RALGPS1: variants seen among roughly 807,000 people sequenced by gnomAD.
RALGPS1 encodes the protein Ral GEF with PH domain and SH3 binding motif 1.
RALGPS1 carries 19 observed loss-of-function variants against 78.8 expected under a neutral mutation model. That is an observed-to-expected ratio of 0.24 (90% CI 0.17 to 0.35). The LOEUF (loss-of-function observed/expected upper bound fraction) is 0.35, where lower values mean the gene tolerates loss of function less well. RALGPS1 is among the 10% of genes least tolerant of loss of function. RALGPS1 has a pLI of 1.00. For synonymous variants in RALGPS1, 228 were observed against 256.3 expected, an observed-to-expected ratio of 0.89 and a Z score of 1.06; for missense variants, 454 against 688.3, an observed-to-expected ratio of 0.66 and a Z score of 3.81.
rs1020821614 is a variant in RALGPS1, at chr9:127,211,962, A to G, written c.1248-169A>G. On this transcript the variant is annotated intron_variant, in intron 14 of 18. Coordinates refer to ENST00000259351, the MANE Select transcript of RALGPS1 (RefSeq NM_014636.3). The surrounding 1 kb of genome is among the most constrained non-coding windows in gnomAD (Gnocchi z 5.0). ...GGGAGTCCTTGGCGGTGGGCCCTTC[A>G]TGTGCGTTATCACCTGGCCCTCCCC... 3.9e-5 allele frequency among the ~76,000 whole-genome samples: 6 copies of G among 152,160 alleles called. No individual in the cohort carries two copies. The highest frequency in any genetic ancestry group is 7.4e-5 in the Non-Finnish European group (5 of 68,018).
At chr9:127,121,097 C>G (rs958346476) in intron 8 of RALGPS1, among the ~76,000 whole-genome samples, 1 of 152,166 alleles carries the variant, frequency 6.6e-6, no homozygotes, top group African/African-American at 2.4e-5. Flanking sequence ...TACTTTACCT[C>G]AGTTTCCTCA....
At chr9:126,939,220 C>G (rs961702861) in intron 1 of RALGPS1, among the ~76,000 whole-genome samples, 4 of 152,230 alleles carry the variant, frequency 2.6e-5, no homozygotes, top group African/African-American at 9.6e-5. Context: ...TTGTACTATC[C>G]TTCAGCCTTT....
At chr9:126,950,264 T>C (rs1053732783) in intron 1 of RALGPS1, among the ~76,000 whole-genome samples, 7 of 152,228 alleles carry the variant, frequency 4.6e-5, no homozygotes, top group African/African-American at 1.7e-4. Context: ...TCCAGCTTTG[T>C]TCTTTTGGCT....
intron 4 of RALGPS1, among the ~76,000 whole-genome samples, chr9:127,033,224 C>T (rs532469982): frequency 6.6e-6 from 1 of 152,254 alleles, no homozygotes; most frequent in East Asian, 1.9e-4. Flanking sequence ...GGTGTCTCGG[C>T]CTCTGGCTGG....
chr9:126,927,578 A>G (rs1273184570), intron 1 of RALGPS1, among the ~76,000 whole-genome samples: 3 of 152,138 alleles, frequency 2.0e-5, no homozygotes, highest in African/African-American at 7.2e-5. Flanking sequence ...GTTATGCTTC[A>G]GTTACCTTTG....
chr9:127,215,427 C>T (rs952659496), intron 18 of RALGPS1, among the ~76,000 whole-genome samples: 5 of 152,218 alleles, frequency 3.3e-5, no homozygotes, highest in African/African-American at 4.8e-5. Context: ...GGGTGTTATG[C>T]GAAATGTTTC....
intron 4 of RALGPS1, among the ~76,000 whole-genome samples, chr9:126,983,479 A>G (rs1224618366): frequency 1.3e-5 from 2 of 152,206 alleles, no homozygotes; most frequent in East Asian, 3.8e-4. Flanking sequence ...GCTCTTTAAA[A>G]AGTTATTTTC....
Position 127,048,331 on chromosome 9 carries a change from A to G in RALGPS1, c.301-1712A>G, listed in dbSNP as rs111234460. On this transcript the variant is annotated intron_variant, in intron 5 of 18. Transcript: ENST00000259351. ...TTGTTTAAAGTCTACCCATCTTTCA[A>G]GGCCTATCTTCTTCGAGAAGCCTTC... 7.2e-5 allele frequency among the ~76,000 whole-genome samples: 11 copies of G among 152,300 alleles called. No homozygotes were observed. In the East Asian group the frequency reaches 1.3e-3, roughly 19 times the overall value.
At chr9:127,022,140 T>C (rs2045513589) in intron 4 of RALGPS1, among the ~76,000 whole-genome samples, 1 of 152,196 alleles carries the variant, frequency 6.6e-6, no homozygotes, top group South Asian at 2.1e-4. Flanking sequence ...CTGATTTCAC[T>C]GGAGGCACCA....
intron 1 of RALGPS1, among the ~76,000 whole-genome samples, chr9:126,955,855 G>A (rs149036020): frequency 8.6e-4 from 131 of 152,250 alleles, no homozygotes; most frequent in Middle Eastern, 6.8e-3. Flanking sequence ...CAGATTTCCC[G>A]TGGATTGGCA....
intron 4 of RALGPS1, among the ~76,000 whole-genome samples, chr9:127,016,384 A>G (rs368435337): frequency 3.3e-5 from 5 of 152,300 alleles, no homozygotes; most frequent in East Asian, 1.9e-4. Flanking sequence ...GAGGATCTCA[A>G]AGACCATCTG....
In RALGPS1 at chr9:126,955,738, G is replaced by A. The variant is rs145373420; in HGVS notation, c.-65-6487G>A. On this transcript the variant is annotated intron_variant, in intron 1 of 18. Transcript: ENST00000259351. ...CCAGAAGGGTCTAGGACAGAAAATC[G>A]TTAGCAACTGTTGGTTAGGACAGTG... 4.1e-4 allele frequency among the ~76,000 whole-genome samples: 62 copies of A among 152,320 alleles called. No individual in the cohort carries two copies. The East Asian group carries it at 0.011, about 27-fold the overall frequency.
intron 5 of RALGPS1, among the ~76,000 whole-genome samples, chr9:127,036,871 A>G (rs998281831): frequency 6.6e-6 from 1 of 152,210 alleles, no homozygotes; most frequent in Non-Finnish European, 1.5e-5. Context: ...GAGATATACA[A>G]ATTTGCATTT....
rs1269938695 is a variant in RALGPS1, at chr9:127,112,538, G to T, written c.610+43182G>T. On this transcript the variant is annotated intron_variant, in intron 8 of 18. Transcript: ENST00000259351. ...CAAGCCTTCCTGGACCTCCAGATTT[G>T]ATTTGCACTATTTATGGTTGAGTTC... 2.0e-5 allele frequency among the ~76,000 whole-genome samples: 3 copies of T among 152,352 alleles called. No individual in the cohort carries two copies. The East Asian group carries it at 5.8e-4, about 29-fold the overall frequency.
At chr9:127,043,069 C>T (rs1257914177) in intron 5 of RALGPS1, among the ~76,000 whole-genome samples, 1 of 152,142 alleles carries the variant, frequency 6.6e-6, no homozygotes, top group Non-Finnish European at 1.5e-5. Context: ...ATGGAAGACT[C>T]AATACTGTTA....
In RALGPS1 at chr9:126,965,761, A is replaced by T. The variant is rs143849371; in HGVS notation, c.58-83A>T. 611 of 1,034,916 alleles carry T rather than the reference A, an allele frequency of 5.9e-4. 3 individuals carry two copies. Among genetic ancestry groups the T allele is most frequent in the Admixed American group, 1.5e-3 (82 of 55,822 alleles). 64.1% of individuals were successfully genotyped at this position (1,034,916 alleles called of 1,614,324 possible). A position where few individuals can be genotyped will look rare whatever the true frequency, so the allele number is the denominator to read the frequency against. The stretch of plus-strand genomic sequence containing the variant: ...TATTGTACTATTCCATTGCTCTCCC[A>T]TCCTGAATTCCGAGGAGGTTTGGGA... On this transcript the variant is annotated intron_variant, in intron 2 of 18. Transcript: ENST00000259351.
chr9:127,207,288 G>A (rs1034222000), intron 14 of RALGPS1, among the ~76,000 whole-genome samples: 4 of 152,040 alleles, frequency 2.6e-5, no homozygotes, highest in Admixed American at 2.6e-4. Context: ...GCCAGTCGAT[G>A]TCTTCCCCAG....
intron 4 of RALGPS1, among the ~76,000 whole-genome samples, chr9:126,984,256 A>G (rs1197584583): frequency 2.0e-5 from 3 of 152,026 alleles, no homozygotes; most frequent in Admixed American, 6.6e-5. Flanking sequence ...GACATGTGCC[A>G]CCATGCTTGG....
intron 1 of RALGPS1, among the ~76,000 whole-genome samples, chr9:126,932,928 C>T (rs996725811): frequency 6.6e-6 from 1 of 152,154 alleles, no homozygotes; most frequent in Non-Finnish European, 1.5e-5. Flanking sequence ...GGGCTGTGGA[C>T]GCAGCTGGCT....
Sources: allele counts gnomAD v4.1 joint callset (sites outside exome capture counted in the v4.1 genomes callset), GRCh38; gene constraint gnomAD v4.1.1; non-coding constraint Gnocchi (gnomAD v3.1); transcripts MANE v1.5; gene names NCBI Gene and HGNC (gene_info 2026-07-23, HGNC 2026-07-21).